ZFYVE9: variants seen among roughly 807,000 people sequenced by gnomAD.
ZFYVE9 encodes the protein zinc finger FYVE domain-containing protein 9.
Under a neutral mutation model 126.7 loss-of-function variants are expected in ZFYVE9, and 43 were observed. The ratio of observed to expected loss-of-function variants is 0.34; its 90% confidence interval spans 0.27 to 0.44. The LOEUF is 0.44. Ranked by LOEUF, ZFYVE9 falls within the 20% of genes least tolerant of loss-of-function variation. ZFYVE9 has a pLI of 1.00. For missense variants in ZFYVE9, 1,476 were observed against 1,697.0 expected, an observed-to-expected ratio of 0.87 and a Z score of 2.29; for synonymous variants, 521 against 597.4, an observed-to-expected ratio of 0.87 and a Z score of 1.87.
chr1:52,293,710 A>G (rs764087221), intron 11 of ZFYVE9, 33 bp downstream of exon 11: 1 of 1,572,492 alleles, frequency 6.4e-7, no homozygotes, highest in Non-Finnish European at 8.7e-7. Context: ...TCAAGGCATG[A>G]TGACTAAAAT....
chr1:52,245,261 G>GA (rs913087182), intron 4 of ZFYVE9, among the ~76,000 whole-genome samples: 169 of 135,544 alleles, frequency 1.2e-3, no homozygotes, highest in South Asian at 1.4e-3. Context: ...GAAGCAAAAA[G>GA]AAAAAAAAAA....
At chr1:52,334,599 GA>G in intron 14 of ZFYVE9, 88 bp from the exon 15 acceptor site, 1 of 1,376,754 alleles carries the variant, frequency 7.3e-7, no homozygotes, top group East Asian at 2.3e-5. Context: ...ATGATGGTCG[GA>G]ATTCTCAACT....
At chr1:52,296,007 T>C (rs1395504243) in intron 12 of ZFYVE9, 30 bp downstream of exon 12, 2 of 1,584,998 alleles carry the variant, frequency 1.3e-6, no homozygotes, top group African/African-American at 1.4e-5. Flanking sequence ...TCCTTTGTCC[T>C]TACTGGAGTT....
intron 1 of ZFYVE9, among the ~76,000 whole-genome samples, chr1:52,148,089 T>G (rs1644320967): frequency 6.6e-6 from 1 of 152,014 alleles, no homozygotes; most frequent in Non-Finnish European, 1.5e-5. Context: ...GTTAATAACT[T>G]TTATTTACAG....
At chr1:52,301,898 A>G (rs56352633) in intron 12 of ZFYVE9, among the ~76,000 whole-genome samples, 2,607 of 152,074 alleles carry the variant, frequency 0.017, 25 homozygotes, top group Non-Finnish European at 0.026. Flanking sequence ...GATGAATTTT[A>G]TTGCTGTGCT....
chr1:52,204,286 A>G (rs977567921), intron 1 of ZFYVE9, among the ~76,000 whole-genome samples: 3 of 152,104 alleles, frequency 2.0e-5, no homozygotes, highest in African/African-American at 4.8e-5. Context: ...AGTGCTTCTC[A>G]GTTTTCTCCC....
In ZFYVE9 at chr1:52,142,961, C is replaced by G. The variant is rs570645516; in HGVS notation, c.-143+558C>G. Among the ~76,000 whole-genome samples, 1 of 152,220 alleles carries G rather than the reference C, an allele frequency of 6.6e-6. No individual in the cohort carries two copies. Among genetic ancestry groups the G allele is most frequent in the African/African-American group, 2.4e-5 (1 of 41,550 alleles). On this transcript the variant is annotated intron_variant, in intron 1 of 18. Coordinates refer to ENST00000287727, the MANE Select transcript of ZFYVE9 (RefSeq NM_004799.4). The surrounding 1 kb of genome is among the most constrained non-coding windows in gnomAD (Gnocchi z 4.5). ...CTTGCTCGAGAACAACCTTTTGCGT[C>G]TTATTTGAGGTGAAATTTCATCACC...
chr1:52,336,227 G>C (rs1211815228), intron 15 of ZFYVE9, among the ~76,000 whole-genome samples: 4 of 151,926 alleles, frequency 2.6e-5, no homozygotes, highest in African/African-American at 9.7e-5. Context: ...TACTAGCTTT[G>C]GTCTTCTTTT....
At chr1:52,193,251 A>G (rs1644831376) in intron 1 of ZFYVE9, among the ~76,000 whole-genome samples, 1 of 152,104 alleles carries the variant, frequency 6.6e-6, no homozygotes, top group South Asian at 2.1e-4. Flanking sequence ...TGGGTTGGCT[A>G]TTATGCTGTG....
chr1:52,253,871 A>G (rs1645476058), intron 4 of ZFYVE9: 2 of 1,213,998 alleles, frequency 1.6e-6, no homozygotes, highest in Non-Finnish European at 2.5e-6. Context: ...GCAGACTACA[A>G]ATCTGATGAA....
At chr1:52,194,282 G>T (rs1047220738) in intron 1 of ZFYVE9, among the ~76,000 whole-genome samples, 11 of 151,860 alleles carry the variant, frequency 7.2e-5, no homozygotes, top group African/African-American at 2.4e-4. Flanking sequence ...TCATAATATT[G>T]GTATAAAAAA....
intron 16 of ZFYVE9, among the ~76,000 whole-genome samples, chr1:52,338,210 T>G (rs1234447993): frequency 6.6e-6 from 1 of 152,228 alleles, no homozygotes; most frequent in African/African-American, 2.4e-5. Flanking sequence ...TACCTGAGCC[T>G]TTTAAGATTT....
At chr1:52,255,806 G>A (rs920829615) in intron 4 of ZFYVE9, among the ~76,000 whole-genome samples, 2 of 151,928 alleles carry the variant, frequency 1.3e-5, no homozygotes, top group Non-Finnish European at 2.9e-5. Context: ...AGTGAGCCGA[G>A]ATTGCATCAC....
intron 15 of ZFYVE9, among the ~76,000 whole-genome samples, chr1:52,335,828 CTG>C (rs1213574633): frequency 6.6e-6 from 1 of 152,154 alleles, no homozygotes; most frequent in African/African-American, 2.4e-5. Context: ...CTCCAAAGCT[CTG>C]TGTAAAAACA....
chr1:52,237,903 A>G lies in ZFYVE9; in HGVS notation c.486A>G (p.Leu162=). The G allele has an allele frequency of 5.0e-6, 8 of 1,614,058 alleles. No homozygotes were observed. The highest frequency in any genetic ancestry group is 6.8e-6 in the Non-Finnish European group (8 of 1,179,950). ...TGCATAACTGTGATAAAAGGACATT[A>G]CAAAACGATTTACAGGATTGTAATA... ...AVMHNCDKRT[L]QNDLQDCNNY... Residue 162 remains leucine, a synonymous_variant, in exon 4 of 19, where the codon TTA becomes TTG. Transcript: ENST00000287727.
intron 1 of ZFYVE9, among the ~76,000 whole-genome samples, chr1:52,161,955 A>G (rs996804695): frequency 9.2e-5 from 14 of 151,874 alleles, no homozygotes; most frequent in African/African-American, 3.4e-4. Flanking sequence ...AAAAAAGTTT[A>G]CGGAGTATAA....
Position 52,329,137 on chromosome 1 carries a change from A to G in ZFYVE9, c.3439-3631A>G, listed in dbSNP as rs116990408. 8.5e-4 allele frequency among the ~76,000 whole-genome samples: 130 copies of G among 152,382 alleles called. 3 individuals carry two copies. In the East Asian group the frequency reaches 0.022, roughly 25 times the overall value. On this transcript the variant is annotated intron_variant, in intron 13 of 18. Transcript: ENST00000287727. ...AAGATGTCAATATTAAAAGTGATCT[A>G]CAAATGATTCATTGCAAGCCGTATC...
intron 2 of ZFYVE9, among the ~76,000 whole-genome samples, chr1:52,227,370 A>G (rs111703988): frequency 1.2e-5 from 1 of 84,518 alleles, no homozygotes. Flanking sequence ...GCGTTGCCTA[A>G]GGAAGTTTCC....
At chr1:52,266,628 CATTG>C in intron 5 of ZFYVE9, 23 bp from the exon 6 acceptor site, 1 of 1,548,372 alleles carries the variant, frequency 6.5e-7, no homozygotes, top group Non-Finnish European at 8.7e-7. Flanking sequence ...AATCCATTCA[CATTG>C]ATTGTGTCTG....
Sources: gnomAD v4.1 joint callset for allele counts (sites outside exome capture counted in the v4.1 genomes callset) on GRCh38, gnomAD v4.1.1 for gene constraint, Gnocchi (gnomAD v3.1) non-coding constraint, MANE v1.5 for transcripts, NCBI Gene and HGNC (gene_info 2026-07-23, HGNC 2026-07-21) for gene names.